Variants in FMN1 observed in about 807,000 individuals in gnomAD.
The protein encoded by FMN1 is formin-1.
In FMN1, 110 loss-of-function variants were observed where a neutral mutation model predicts 132.4. The observed-to-expected ratio is 0.83, with a 90% CI of 0.71 to 0.97. The LOEUF is 0.97. FMN1 is among the 50% of genes least tolerant of loss of function. The probability of loss-of-function intolerance (pLI) is 0.00; values close to 1 mark genes in which losing one functional copy is unlikely to be tolerated. For synonymous variants in FMN1, 722 were observed against 651.7 expected (o/e 1.11, Z -1.64); for missense variants, 1,792 against 1,705.3 (o/e 1.05, Z -0.90).
intron 8 of FMN1, 30 bp from the exon 9 acceptor site, chr15:32,964,287 A>G: frequency 1.3e-6 from 2 of 1,506,894 alleles, no homozygotes; most frequent in South Asian, 1.3e-5. Context: ...AGTTAACCAT[A>G]AGAACCAAAA....
intron 5 of FMN1, among the ~76,000 whole-genome samples, chr15:33,082,778 A>AG (rs1447899557): frequency 7.9e-5 from 12 of 152,208 alleles, no homozygotes; most frequent in Non-Finnish European, 5.9e-5. Flanking sequence ...ATGCTACCCA[A>AG]GGGCAATTCA....
intron 19 of FMN1, among the ~76,000 whole-genome samples, chr15:32,792,400 G>A (rs551159504): frequency 1.3e-4 from 20 of 151,676 alleles, no homozygotes; most frequent in Non-Finnish European, 1.8e-4. Flanking sequence ...AGCCGAAATC[G>A]CGCCACTGCA....
intron 4 of FMN1, 55 bp downstream of exon 4, chr15:33,152,993 G>C (rs1306278543): frequency 7.0e-7 from 1 of 1,431,878 alleles, no homozygotes; most frequent in Non-Finnish European, 9.2e-7. Context: ...CAGGCAGACT[G>C]ATAGTTCCCC....
At chr15:33,048,861 A>G (rs1215054107) in intron 6 of FMN1, among the ~76,000 whole-genome samples, 2 of 152,130 alleles carry the variant, frequency 1.3e-5, no homozygotes, top group East Asian at 1.9e-4. Context: ...TGATTCAACT[A>G]TCTCCCACCA....
At chr15:32,899,694 G>T in intron 14 of FMN1, 1 of 442,746 alleles carries the variant, frequency 2.3e-6, no homozygotes, top group South Asian at 2.8e-5. Context: ...TATCTGTTTT[G>T]TTCTCTCACT....
intron 3 of FMN1, among the ~76,000 whole-genome samples, chr15:33,165,536 G>A (rs867433753): frequency 2.0e-5 from 3 of 152,138 alleles, no homozygotes; most frequent in African/African-American, 4.8e-5. Context: ...GAATACAGGC[G>A]CCCGCCACCA....
chr15:33,050,168 A>G (rs559895213), intron 6 of FMN1, among the ~76,000 whole-genome samples: 7 of 152,250 alleles, frequency 4.6e-5, no homozygotes, highest in Non-Finnish European at 1.0e-4. Context: ...GGTTAGGCGT[A>G]TAACGTGTAT....
At chr15:32,848,984 T>TTG (rs201720420) in intron 17 of FMN1, among the ~76,000 whole-genome samples, 4,603 of 131,870 alleles carry the variant, frequency 0.035, 280 homozygotes, top group African/African-American at 0.12. Context: ...TTTGTTTTTT[T>TTG]TTTTTTTTTT....
chr15:32,853,794 T>C lies in FMN1; in HGVS notation c.3928+3221A>G, dbSNP rs1266613821. On this transcript the variant is annotated intron_variant, in intron 17 of 20. Coordinates refer to ENST00000616417, the MANE Select transcript of FMN1 (RefSeq NM_001277313.2). Reference sequence around the variant, plus strand: ...CATGCTGTCACCTCCTTTGGTTACGTAGCCCCACTTGAGAGCCAAACAAGG... The same window carrying C: ...CATGCTGTCACCTCCTTTGGTTACGCAGCCCCACTTGAGAGCCAAACAAGG... Among the ~76,000 whole-genome samples the C allele has an allele frequency of 2.6e-5, 4 of 152,318 alleles. No individual in the cohort carries two copies. In the South Asian group the frequency reaches 8.3e-4, roughly 32 times the overall value.
At chr15:33,016,335 T>C (rs964840965) in intron 6 of FMN1, among the ~76,000 whole-genome samples, 8 of 152,306 alleles carry the variant, frequency 5.3e-5, no homozygotes, top group South Asian at 2.1e-4. Flanking sequence ...TCACAAGTCA[T>C]TTATTCCAAA....
At chr15:32,877,642 TACCC>T (rs2059668886) in intron 16 of FMN1, among the ~76,000 whole-genome samples, 1 of 152,170 alleles carries the variant, frequency 6.6e-6, no homozygotes, top group Admixed American at 6.5e-5. Context: ...GTACCTCCTC[TACCC>T]ACCCACATAA....
chr15:33,059,831 C>T (rs541423314), intron 6 of FMN1, among the ~76,000 whole-genome samples: 2 of 152,318 alleles, frequency 1.3e-5, no homozygotes, highest in Non-Finnish European at 2.9e-5. Context: ...CTTGCTTCTA[C>T]TCTCCTGAGC....
At chr15:33,193,266 C>T (rs953172560) in intron 2 of FMN1, among the ~76,000 whole-genome samples, 6 of 152,008 alleles carry the variant, frequency 3.9e-5, no homozygotes, top group Admixed American at 6.5e-5. Context: ...TACTGTTTTC[C>T]CTCCCAAAAA....
intron 17 of FMN1, among the ~76,000 whole-genome samples, chr15:32,821,557 A>G (rs1194492125): frequency 6.6e-6 from 1 of 150,648 alleles, no homozygotes; most frequent in Non-Finnish European, 1.5e-5. Flanking sequence ...GGTTCAAGCA[A>G]TTCTCTGCCC....
intron 6 of FMN1, among the ~76,000 whole-genome samples, chr15:33,055,243 G>C (rs977637002): frequency 1.3e-5 from 2 of 152,112 alleles, no homozygotes; most frequent in Admixed American, 6.6e-5. Context: ...ACTGATAATA[G>C]TAACTCTTTC....
chr15:32,792,829 G>A (rs1349391933), intron 19 of FMN1, among the ~76,000 whole-genome samples: 1 of 152,186 alleles, frequency 6.6e-6, no homozygotes, highest in East Asian at 1.9e-4. Flanking sequence ...CCCCTTACAC[G>A]TTGGGAATAA....
At chr15:32,862,955 C>T (rs1057256020) in intron 16 of FMN1, among the ~76,000 whole-genome samples, 1 of 152,196 alleles carries the variant, frequency 6.6e-6, no homozygotes, top group African/African-American at 2.4e-5. Flanking sequence ...TTACAAGATC[C>T]ATGTCCTGTT....
chr15:32,821,108 T>TTTTTTTTTTTTTTTTTTTTTTTTTTTGAG (rs1229243106), intron 17 of FMN1, among the ~76,000 whole-genome samples: 1 of 150,636 alleles, frequency 6.6e-6, no homozygotes. Flanking sequence ...ACAGATTTTC[T>TTTTTTTTTTTTTTTTTTTTTTTTTTTGAG]AAGATACAAT....
At chr15:33,009,447 A>T (rs1469575188) in intron 6 of FMN1, among the ~76,000 whole-genome samples, 1 of 152,074 alleles carries the variant, frequency 6.6e-6, no homozygotes, top group Non-Finnish European at 1.5e-5. Context: ...CCTGGTTCCT[A>T]CATATCTCTC....
Sources: gnomAD v4.1 joint callset for allele counts (sites outside exome capture counted in the v4.1 genomes callset) on GRCh38, gnomAD v4.1.1 for gene constraint, MANE v1.5 for transcripts, NCBI Gene and HGNC (gene_info 2026-07-23, HGNC 2026-07-21) for gene names.